The following PITHD1 variants were observed in gnomAD, a reference collection of about 807,000 sequenced individuals.
PITHD1 encodes PITH domain-containing protein 1.
PITHD1 carries 8 observed loss-of-function variants against 27.5 expected under a neutral mutation model. The ratio of observed to expected loss-of-function variants is 0.29; its 90% CI spans 0.17 to 0.52. The LOEUF (loss-of-function observed/expected upper bound fraction) is 0.52. Among genes scored for constraint, PITHD1 ranks in the 20% least tolerant of loss-of-function variants. The pLI is 0.96. For synonymous variants in PITHD1, 118 were observed against 106.8 expected, an observed-to-expected ratio of 1.10 and a Z score of -0.64; for missense variants, 233 against 283.9, an observed-to-expected ratio of 0.82 and a Z score of 1.29.
chr1:23,778,811 G>C (rs1638550557), intron 1 of PITHD1, 98 bp downstream of exon 1: 2 of 739,424 alleles, frequency 2.7e-6, no homozygotes, highest in South Asian at 1.2e-4. Context: ...ACGACAGCCT[G>C]GTTGCCAAGC....
intron 3 of PITHD1, among the ~76,000 whole-genome samples, chr1:23,784,396 A>C (rs1241870904): frequency 1.3e-5 from 2 of 151,204 alleles, no homozygotes; most frequent in Non-Finnish European, 2.9e-5. Flanking sequence ...GCCTGCCACC[A>C]CGCCCGGCTA....
Position 23,787,406 on chromosome 1 carries a change from G to C in PITHD1, c.*30G>C. On this transcript the variant is annotated 3_prime_UTR_variant, in exon 6 of 6. Coordinates refer to ENST00000246151, the MANE Select transcript of PITHD1 (RefSeq NM_020362.5). The stretch of plus-strand genomic sequence containing the variant: ...TGGCCAAGGCTCCCATAGAGGCGCT[G>C]TGTCAGTGAAGATGTACGACTACCT... The C allele has an allele frequency of 7.9e-7, 1 of 1,259,046 alleles. No individual in the cohort carries two copies. Among genetic ancestry groups the C allele is most frequent in the South Asian group, 1.2e-5 (1 of 82,584 alleles). The allele number at this position is 1,259,046 out of a possible 1,614,324, so 78.0% of individuals were successfully genotyped here.
intron 3 of PITHD1, among the ~76,000 whole-genome samples, chr1:23,783,326 T>TAC (rs1386280680): frequency 6.7e-6 from 1 of 149,808 alleles, no homozygotes; most frequent in African/African-American, 2.5e-5. Context: ...CATATATATA[T>TAC]ACACATATAT....
In PITHD1 at chr1:23,783,475, G is replaced by A. The variant is rs116711635; in HGVS notation, c.321-2200G>A. The stretch of plus-strand genomic sequence containing the variant: ...TGTGTATTTTTTGTTTTTTTAAGAC[G>A]GCGTTCTGCTCTGTTGCCTAGGCTT... On this transcript the variant is annotated intron_variant, in intron 3 of 5. Transcript: ENST00000246151. Among the ~76,000 whole-genome samples the A allele has an allele frequency of 3.9e-3, 566 of 144,406 alleles. 7 individuals are homozygous for A. Among genetic ancestry groups the A allele is most frequent in the African/African-American group, 0.012 (474 of 38,924 alleles). The allele number at this position is 144,406 out of a possible 152,430, so 94.7% of individuals were successfully genotyped here.
intron 3 of PITHD1, among the ~76,000 whole-genome samples, chr1:23,783,150 C>T (rs1046585478): frequency 6.6e-6 from 1 of 151,350 alleles, no homozygotes; most frequent in Non-Finnish European, 1.5e-5. Flanking sequence ...GTGCCCGCCA[C>T]CATGTCTGGC....
chr1:23,785,416 C>G, intron 3 of PITHD1: 1 of 256,674 alleles, frequency 3.9e-6, no homozygotes, highest in Non-Finnish European at 7.9e-6. Flanking sequence ...TCACTTGAAC[C>G]TGGGAGGTGG....
intron 3 of PITHD1, among the ~76,000 whole-genome samples, chr1:23,782,508 T>A (rs949753075): frequency 6.6e-6 from 1 of 151,710 alleles, no homozygotes; most frequent in Non-Finnish European, 1.5e-5. Flanking sequence ...GGCGAAAGGA[T>A]CACTTGAGCC....
In PITHD1 at chr1:23,785,734, T is replaced by C; in HGVS notation, c.380T>C (p.Phe127Ser). ...DDTEREPDQT[F>S]SLNRDLTGEL... ...ACAGAAAGGGAGCCAGATCAGACCT[T>C]TAGTCTGAACCGGGATCTTACAGGA... Residue 127 changes from phenylalanine to serine, a missense_variant, in exon 4 of 6, where the codon TTT becomes TCT. Coordinates refer to ENST00000246151, the MANE Select transcript of PITHD1 (RefSeq NM_020362.5). 1.9e-6 allele frequency: 3 copies of C among 1,609,854 alleles called. No individual in the cohort carries two copies. The highest frequency in any genetic ancestry group is 2.6e-6 in the Non-Finnish European group (3 of 1,176,176).
Position 23,784,395 on chromosome 1 carries a change from C to T in PITHD1, c.321-1280C>T, listed in dbSNP as rs2148401519. On this transcript the variant is annotated intron_variant, in intron 3 of 5. Transcript: ENST00000246151. ...AGCTGGGACTACAGGCGCCTGCCACCACGCCCGGCTAATTTTTTGTATTTT... is the reference window on the plus strand; with the variant it reads ...AGCTGGGACTACAGGCGCCTGCCACTACGCCCGGCTAATTTTTTGTATTTT... 2.0e-5 allele frequency among the ~76,000 whole-genome samples: 3 copies of T among 152,032 alleles called. No individual in the cohort carries two copies. In the South Asian group the frequency reaches 6.2e-4, roughly 32 times the overall value.
intron 1 of PITHD1, among the ~76,000 whole-genome samples, chr1:23,778,973 G>C (rs1413497341): frequency 6.6e-6 from 1 of 152,224 alleles, no homozygotes; most frequent in Non-Finnish European, 1.5e-5. Flanking sequence ...GTGTGGGCTA[G>C]AGAGGATGGT....
Position 23,788,141 on chromosome 1 carries a change from C to T in PITHD1, c.*765C>T, listed in dbSNP as rs1356161184. The T allele has an allele frequency of 6.6e-6, 1 of 152,134 alleles. No individual in the cohort carries two copies. Among genetic ancestry groups the T allele is most frequent in the Non-Finnish European group, 1.5e-5 (1 of 68,030 alleles). The allele number at this position is 152,134 out of a possible 1,614,324, so 9.4% of individuals were successfully genotyped here. A position where few individuals can be genotyped will look rare whatever the true frequency, so the allele number is the denominator to read the frequency against. On this transcript the variant is annotated 3_prime_UTR_variant, in exon 6 of 6. Transcript: ENST00000246151. ...TAGCTTCTAACTAGTGTTGTAAGTC[C>T]GATGCCAGAATTTGGAGATTTGAGT...
intron 1 of PITHD1, 116 bp from the exon 2 acceptor site, chr1:23,779,322 G>A (rs2148398688): frequency 3.8e-6 from 3 of 799,396 alleles, no homozygotes; most frequent in East Asian, 2.5e-5. Context: ...GAAAACCAAG[G>A]GAGAGTGACT....
At chr1:23,782,295 T>C (rs1392676946) in intron 3 of PITHD1, among the ~76,000 whole-genome samples, 1 of 152,184 alleles carries the variant, frequency 6.6e-6, no homozygotes, top group Non-Finnish European at 1.5e-5. Context: ...GGCAGTCGCC[T>C]GTCATCCCAG....
At chr1:23,786,614 T>C (rs1350249787) in intron 5 of PITHD1, among the ~76,000 whole-genome samples, 191 bp downstream of exon 5, 1 of 147,810 alleles carries the variant, frequency 6.8e-6, no homozygotes, top group Non-Finnish European at 1.5e-5. Flanking sequence ...GTTGAAACTG[T>C]TATTTTTATA....
At chr1:23,784,401 C>T (rs987848972) in intron 3 of PITHD1, among the ~76,000 whole-genome samples, 2 of 151,866 alleles carry the variant, frequency 1.3e-5, no homozygotes, top group Admixed American at 6.6e-5. Context: ...CCACCACGCC[C>T]GGCTAATTTT....
rs1219398382 is a variant in PITHD1, at chr1:23,779,929, C to G, written c.308C>G (p.Ser103Cys). The G allele has an allele frequency of 3.1e-6, 5 of 1,609,222 alleles. No homozygotes were observed. The South Asian group carries it at 5.5e-5, about 18-fold the overall frequency. ...GGAGAGGATGATGACTCACACCCCT[C>G]TGAGATGAGACTGTAAGTGGCAAAG... is the stretch of plus-strand genomic sequence containing the variant. ...IMGEDDDSHP[S>C]EMRLYKNIPQ... The change falls in exon 3 of 6, where the codon TCT becomes TGT. Residue 103 changes from serine to cysteine, a missense_variant. Transcript: ENST00000246151.
intron 3 of PITHD1, among the ~76,000 whole-genome samples, chr1:23,783,808 T>C (rs1166710977): frequency 1.3e-5 from 2 of 152,154 alleles, no homozygotes; most frequent in Admixed American, 6.6e-5. Context: ...TTTAAAATAT[T>C]GAGCTTAAGC....
At chr1:23,779,291 G>A in intron 1 of PITHD1, 147 bp from the exon 2 acceptor site, 1 of 671,880 alleles carries the variant, frequency 1.5e-6, no homozygotes, top group Non-Finnish European at 2.7e-6. Flanking sequence ...AGACTGGTTA[G>A]CTTCAAGTTA....
rs1239079659 is a variant in PITHD1 at position 23,785,670 on chromosome 1, C to T, written c.321-5C>T. 2.6e-6 allele frequency: 4 copies of T among 1,567,814 alleles called. No individual in the cohort carries two copies. The highest frequency in any genetic ancestry group is 3.5e-6 in the Non-Finnish European group (4 of 1,138,820). On this transcript the variant is annotated splice_region_variant and splice_polypyrimidine_tract_variant and intron_variant, in intron 3 of 5. Transcript: ENST00000246151. The stretch of plus-strand genomic sequence containing the variant: ...TCTTGACTTTTCTTTCCTTTCCTTT[C>T]TCAGGTACAAGAATATTCCACAGAT...
Sources: gnomAD v4.1 joint callset for allele counts (sites outside exome capture counted in the v4.1 genomes callset) on GRCh38, gnomAD v4.1.1 for gene constraint, MANE v1.5 for transcripts, NCBI Gene and HGNC (gene_info 2026-07-23, HGNC 2026-07-21) for gene names.